The following DEK variants were observed in gnomAD, a reference collection of about 807,000 sequenced individuals.
DEK encodes the protein protein DEK.
In DEK, 28 loss-of-function variants were observed where a neutral mutation model predicts 46.8. The observed-to-expected ratio is 0.60, with a 90% CI of 0.44 to 0.82. The LOEUF (loss-of-function observed/expected upper bound fraction) is 0.82, where lower values mean the gene tolerates loss of function less well. Ranked by LOEUF, DEK falls within the 40% of genes least tolerant of loss-of-function variation. The probability of loss-of-function intolerance (pLI) is 0.00; values close to 1 mark genes in which losing one functional copy is unlikely to be tolerated. For missense variants in DEK, 416 were observed against 430.6 expected, an observed-to-expected ratio of 0.97 and a Z score of 0.30; for synonymous variants, 160 against 144.5, an observed-to-expected ratio of 1.11 and a Z score of -0.77.
chr6:18,252,453 G>C (rs569466586), intron 6 of DEK, among the ~76,000 whole-genome samples: 1 of 129,912 alleles, frequency 7.7e-6, no homozygotes, highest in African/African-American at 3.0e-5. Context: ...AGGTTGCATT[G>C]AGCCATGATT....
At chr6:18,261,552 C>T (rs757682716) in intron 2 of DEK, among the ~76,000 whole-genome samples, 9 of 152,122 alleles carry the variant, frequency 5.9e-5, no homozygotes, top group African/African-American at 1.4e-4. Flanking sequence ...GCCTGGGCAA[C>T]GAGAGCGAAA....
chr6:18,259,424 A>AT lies in DEK; in HGVS notation c.146-1020_146-1019insA, dbSNP rs1329642539. 2.1e-4 allele frequency among the ~76,000 whole-genome samples: 30 copies of AT among 144,818 alleles called. 2 individuals carry two copies. Among genetic ancestry groups the AT allele is most frequent in the Non-Finnish European group, 3.8e-4 (25 of 65,652 alleles). ...AAAAAAAAAAAAAAAAAAAAAAAAAAAAAAAAAAATCTAGAAAACAGGTAG... is the reference window on the plus strand; with the variant it reads ...AAAAAAAAAAAAAAAAAAAAAAAAAATAAAAAAAAATCTAGAAAACAGGTAG... On this transcript the variant is annotated intron_variant, in intron 2 of 10. Coordinates refer to ENST00000652689, the MANE Select transcript of DEK (RefSeq NM_003472.4).
chr6:18,263,692 A>T, intron 2 of DEK, 151 bp downstream of exon 2: 1 of 1,536,186 alleles, frequency 6.5e-7, no homozygotes, highest in East Asian at 2.3e-5. Context: ...CTCAAAACAA[A>T]AGCAGATAAA....
intron 7 of DEK, among the ~76,000 whole-genome samples, chr6:18,248,567 C>T (rs1791225143): frequency 6.6e-6 from 1 of 152,078 alleles, no homozygotes; most frequent in South Asian, 2.1e-4. Context: ...AGATTCGTAA[C>T]CCTCTTTCTT....
At chr6:18,249,955 G>C in intron 6 of DEK, 116 bp from the exon 7 acceptor site, 1 of 1,400,072 alleles carries the variant, frequency 7.1e-7, no homozygotes, top group East Asian at 2.6e-5. Flanking sequence ...GTATTTACAA[G>C]CCCAGCAGCT....
intron 7 of DEK, among the ~76,000 whole-genome samples, chr6:18,245,399 G>A (rs938978250): frequency 6.6e-6 from 1 of 151,194 alleles, no homozygotes; most frequent in African/African-American, 2.4e-5. Flanking sequence ...ATAAACTCCT[G>A]TTTCGAACAT....
In DEK at chr6:18,237,404, T is replaced by C. The variant is rs1451293543; in HGVS notation, c.875A>G (p.Lys292Arg). 2 of 1,600,030 alleles carry C rather than the reference T, an allele frequency of 1.2e-6. No individual in the cohort carries two copies. Among genetic ancestry groups the C allele is most frequent in the African/African-American group, 1.4e-5 (1 of 73,560 alleles). ...ACCTTTTTTGGAACTGTTTTGATTC[T>C]TCTTGGTGGTGCTGCTATCTGCTTT... ...VKKADSSTTK[K>R]NQNSSKKESE... is the part of the protein sequence containing the mutation. Residue 292 changes from lysine to arginine, a missense_variant, in exon 8 of 11, where the codon AAG becomes AGG. By Grantham distance (26) the Lys-to-Arg change is conservative. Coordinates refer to ENST00000652689, the MANE Select transcript of DEK (RefSeq NM_003472.4).
chr6:18,248,163 A>G (rs1049019319), intron 7 of DEK, among the ~76,000 whole-genome samples: 21 of 152,012 alleles, frequency 1.4e-4, no homozygotes, highest in Admixed American at 8.5e-4. Flanking sequence ...TACTATTATC[A>G]CTCCCCATTT....
chr6:18,226,661 T>C (rs1014069258), intron 9 of DEK, among the ~76,000 whole-genome samples: 7 of 152,164 alleles, frequency 4.6e-5, no homozygotes, highest in African/African-American at 1.2e-4. Context: ...ATGCCTGTAA[T>C]CCCAGCTACT....
intron 9 of DEK, among the ~76,000 whole-genome samples, chr6:18,230,361 C>A (rs1260228855): frequency 1.3e-5 from 2 of 152,290 alleles, no homozygotes; most frequent in East Asian, 1.9e-4. Flanking sequence ...ATGACAGGAT[C>A]AAATTCACAC....
chr6:18,258,417 TTTAG>T lies in DEK; in HGVS notation c.146-16_146-13del, dbSNP rs750857331. On this transcript the variant is annotated splice_polypyrimidine_tract_variant and intron_variant, in intron 2 of 10. Transcript: ENST00000652689. ...GATGAGACTCTTTTCTAGAAATTAA[TTTAG>T]TATTTCTTAATTAACAAAAAGCTTA... The T allele has an allele frequency of 1.8e-5, 28 of 1,586,704 alleles. No homozygotes were observed. The highest frequency in any genetic ancestry group is 2.2e-5 in the South Asian group (2 of 89,410).
intron 8 of DEK, 56 bp downstream of exon 8, chr6:18,237,325 C>T: frequency 1.9e-6 from 3 of 1,546,424 alleles, no homozygotes; most frequent in East Asian, 4.5e-5. Flanking sequence ...CTATGTACAA[C>T]ATATTAATAT....
At chr6:18,234,544 G>GCT (rs1031867499) in intron 9 of DEK, among the ~76,000 whole-genome samples, 15 of 152,162 alleles carry the variant, frequency 9.9e-5, no homozygotes, top group African/African-American at 3.1e-4. Flanking sequence ...TCCCAGTCAG[G>GCT]CTCTCTCCTT....
At chr6:18,240,139 A>C (rs1790839172) in intron 7 of DEK, among the ~76,000 whole-genome samples, 1 of 152,224 alleles carries the variant, frequency 6.6e-6, no homozygotes, top group Non-Finnish European at 1.5e-5. Context: ...ATCATTTTAA[A>C]ACCTGCAAAT....
At chr6:18,261,712 G>GT (rs1791879011) in intron 2 of DEK, among the ~76,000 whole-genome samples, 1 of 152,204 alleles carries the variant, frequency 6.6e-6, no homozygotes, top group Admixed American at 6.5e-5. Flanking sequence ...TACCATCACT[G>GT]TATCTTGGGA....
At chr6:18,231,613 T>G (rs1014046849) in intron 9 of DEK, among the ~76,000 whole-genome samples, 4 of 152,130 alleles carry the variant, frequency 2.6e-5, no homozygotes, top group Non-Finnish European at 4.4e-5. Flanking sequence ...CTAGAAAATC[T>G]AGATGAAATG....
At chr6:18,249,404 C>T (rs888699497) in intron 7 of DEK, among the ~76,000 whole-genome samples, 4 of 152,198 alleles carry the variant, frequency 2.6e-5, no homozygotes, top group Admixed American at 6.5e-5. Context: ...TAGTCTTCAA[C>T]GTCCAGCTCA....
At chr6:18,246,658 T>C (rs1266092435) in intron 7 of DEK, among the ~76,000 whole-genome samples, 1 of 152,216 alleles carries the variant, frequency 6.6e-6, no homozygotes, top group African/African-American at 2.4e-5. Flanking sequence ...AACATGAAAC[T>C]AGGAGGAAAA....
chr6:18,232,227 G>C (rs573559109), intron 9 of DEK, among the ~76,000 whole-genome samples: 1 of 152,044 alleles, frequency 6.6e-6, no homozygotes, highest in Non-Finnish European at 1.5e-5. Context: ...AAATAATAAA[G>C]AGCTATTTAT....
Sources: gnomAD v4.1 joint callset for allele counts (sites outside exome capture counted in the v4.1 genomes callset) on GRCh38, gnomAD v4.1.1 for gene constraint, MANE v1.5 for transcripts, NCBI Gene and HGNC (gene_info 2026-07-23, HGNC 2026-07-21) for gene names.